The following SOX5 variants were observed in gnomAD, a reference collection of about 807,000 sequenced individuals.
SOX5 encodes the protein transcription factor SOX-5.
Under a neutral mutation model 92.0 loss-of-function variants are expected in SOX5, and 9 were observed. The ratio of observed to expected loss-of-function variants is 0.10; its 90% CI spans 0.06 to 0.17. The LOEUF (loss-of-function observed/expected upper bound fraction) is 0.17. Ranked by LOEUF, SOX5 falls within the 10% of genes least tolerant of loss-of-function variation. SOX5 has a pLI of 1.00. For synonymous variants in SOX5, 344 were observed against 336.3 expected (o/e 1.02, Z -0.25); for missense variants, 642 against 944.5 (o/e 0.68, Z 4.20).
chr12:23,733,009 C>A (rs2093448526), intron 6 of SOX5, among the ~76,000 whole-genome samples: 1 of 152,172 alleles, frequency 6.6e-6, no homozygotes, highest in Non-Finnish European at 1.5e-5. Context: ...GGCTTAAAAT[C>A]CACATTGTGA....
In SOX5 at chr12:24,520,720, A is replaced by C. The variant is rs556949099; in HGVS notation, c.-251+41609T>G. On this transcript the variant is annotated intron_variant, in intron 1 of 4. Transcript: ENST00000446891. ...GAGTGTCTGAATCGATAGAAAAAAA[A>C]TCCAGTGATATACTCTTTACAAAAG... Among the ~76,000 whole-genome samples, 4 of 152,274 alleles carry C rather than the reference A, an allele frequency of 2.6e-5. 1 individual carries two copies. The highest frequency in any genetic ancestry group is 9.6e-5 in the African/African-American group (4 of 41,564).
intron 1 of SOX5, among the ~76,000 whole-genome samples, chr12:24,396,776 T>C (rs779155386): frequency 2.6e-5 from 4 of 152,354 alleles, no homozygotes; most frequent in Admixed American, 6.5e-5. Flanking sequence ...CAGGTACAGC[T>C]AGAAGATTGG....
chr12:24,441,789 TTG>T (rs1940645708), intron 1 of SOX5, among the ~76,000 whole-genome samples: 1 of 152,200 alleles, frequency 6.6e-6, no homozygotes, highest in Admixed American at 6.5e-5. Context: ...AACCATTTTA[TTG>T]TATGCGGTTT....
At chr12:23,995,997 A>C (rs1933042954) in intron 4 of SOX5, among the ~76,000 whole-genome samples, 1 of 152,276 alleles carries the variant, frequency 6.6e-6, no homozygotes, top group Non-Finnish European at 1.5e-5. Flanking sequence ...AGACAAAATC[A>C]TTTTCTCAAT....
At chr12:24,292,799 C>T (rs60333984) in intron 2 of SOX5, among the ~76,000 whole-genome samples, 7 of 152,176 alleles carry the variant, frequency 4.6e-5, no homozygotes, top group African/African-American at 1.7e-4. Flanking sequence ...TGTAACATTT[C>T]GAAGAAATTT....
intron 3 of SOX5, among the ~76,000 whole-genome samples, chr12:23,841,757 A>G (rs943122903): frequency 6.6e-6 from 1 of 152,114 alleles, no homozygotes; most frequent in African/African-American, 2.4e-5. Context: ...ATACATGGTA[A>G]TAAGATCAGT....
chr12:24,357,710 G>A (rs898599650), intron 2 of SOX5, among the ~76,000 whole-genome samples: 7 of 152,124 alleles, frequency 4.6e-5, no homozygotes, highest in African/African-American at 1.4e-4. Context: ...GGGCGTGGTG[G>A]CGTGGGCCTG....
chr12:24,443,436 T>TTCAATA (rs1940969235), intron 1 of SOX5, among the ~76,000 whole-genome samples: 1 of 152,226 alleles, frequency 6.6e-6, no homozygotes, highest in African/African-American at 2.4e-5. Context: ...GAATTCATGA[T>TTCAATA]ACCAGTCAAT....
At chr12:23,640,243 T>G (rs1318686243) in intron 8 of SOX5, among the ~76,000 whole-genome samples, 1 of 152,188 alleles carries the variant, frequency 6.6e-6, no homozygotes, top group Non-Finnish European at 1.5e-5. Context: ...GTTGACATTC[T>G]CGGATTATAG....
At position 23,531,816 on chromosome 12, in the gene SOX5, A is replaced by G. The variant is rs945461479; in HGVS notation, c.*2403T>C. 3 of 152,016 alleles carry G rather than the reference A, an allele frequency of 2.0e-5. No homozygotes were observed. The highest frequency in any genetic ancestry group is 7.2e-5 in the African/African-American group (3 of 41,408). The allele number at this position is 152,016 out of a possible 1,614,324, so 9.4% of individuals were successfully genotyped here. On this transcript the variant is annotated 3_prime_UTR_variant, in exon 15 of 15. Coordinates refer to ENST00000451604, the MANE Select transcript of SOX5 (RefSeq NM_006940.6). ...CTATTAATTCACTCCTTTGTTTTAA[A>G]CATCAGAACTGATATTGTTGGGGCC...
At chr12:24,501,480 T>C (rs1948198496) in intron 1 of SOX5, among the ~76,000 whole-genome samples, 1 of 152,172 alleles carries the variant, frequency 6.6e-6, no homozygotes, top group Admixed American at 6.5e-5. Context: ...TATATTTTGC[T>C]TTTGCTTTTG....
chr12:24,377,656 C>T (rs1418722084), intron 1 of SOX5, among the ~76,000 whole-genome samples: 2 of 152,216 alleles, frequency 1.3e-5, no homozygotes, highest in African/African-American at 4.8e-5. Flanking sequence ...GCTCCTTCCA[C>T]TGTTTTCCTA....
intron 2 of SOX5, among the ~76,000 whole-genome samples, chr12:23,867,821 T>TAAA (rs539920837): frequency 7.1e-6 from 1 of 140,442 alleles, no homozygotes. Context: ...ACAAAGATAG[T>TAAA]AAAAAAAAAA....
chr12:24,345,206 T>C (rs1230632144), intron 2 of SOX5, among the ~76,000 whole-genome samples: 2 of 152,234 alleles, frequency 1.3e-5, no homozygotes, highest in African/African-American at 4.8e-5. Flanking sequence ...CACTGTAATG[T>C]ATACATTTTA....
At chr12:24,441,992 G>C (rs1400642762) in intron 1 of SOX5, among the ~76,000 whole-genome samples, 1 of 152,182 alleles carries the variant, frequency 6.6e-6, no homozygotes, top group African/African-American at 2.4e-5. Flanking sequence ...ACTTAAAACA[G>C]TGGAGTAACA....
intron 2 of SOX5, among the ~76,000 whole-genome samples, chr12:24,300,144 T>A (rs546340465): frequency 6.6e-6 from 1 of 152,250 alleles, no homozygotes; most frequent in Non-Finnish European, 1.5e-5. Flanking sequence ...AAAGCCACAA[T>A]GCTACGTCTT....
intron 3 of SOX5, among the ~76,000 whole-genome samples, chr12:23,770,595 T>C (rs2094901466): frequency 6.6e-6 from 1 of 152,160 alleles, no homozygotes; most frequent in African/African-American, 2.4e-5. Context: ...CTTATACACA[T>C]TTTGTGAAAT....
At chr12:23,653,415 T>C (rs1195412766) in intron 7 of SOX5, among the ~76,000 whole-genome samples, 3 of 152,094 alleles carry the variant, frequency 2.0e-5, no homozygotes, top group Non-Finnish European at 1.5e-5. Context: ...CCTTTCCTGA[T>C]ACTTCAACAC....
chr12:24,287,922 A>G (rs961794501), intron 2 of SOX5, among the ~76,000 whole-genome samples: 11 of 152,160 alleles, frequency 7.2e-5, no homozygotes, highest in African/African-American at 2.2e-4. Context: ...TCCGTACTCT[A>G]TAACAGATCA....
Sources: gnomAD v4.1 joint callset for allele counts (sites outside exome capture counted in the v4.1 genomes callset) on GRCh38, gnomAD v4.1.1 for gene constraint, MANE v1.5 for transcripts, NCBI Gene and HGNC (gene_info 2026-07-23, HGNC 2026-07-21) for gene names.